NDUFS4: variants seen among roughly 807,000 people sequenced by gnomAD.
NDUFS4 encodes NADH dehydrogenase [ubiquinone] iron-sulfur protein 4, mitochondrial.
A neutral mutation model predicts 24.3 loss-of-function variants in NDUFS4; 28 were observed. The ratio of observed to expected loss-of-function variants is 1.15; its 90% CI spans 0.85 to 1.58. The LOEUF (loss-of-function observed/expected upper bound fraction) is 1.58. Among genes scored for constraint, NDUFS4 ranks in the 40% most tolerant of loss-of-function variants. NDUFS4 has a pLI of 0.00. For missense variants in NDUFS4, 223 were observed against 207.9 expected, an observed-to-expected ratio of 1.07 and a Z score of -0.45; for synonymous variants, 93 against 69.7, an observed-to-expected ratio of 1.34 and a Z score of -1.67.
At chr5:53,648,922 G>A (rs532416400) in intron 3 of NDUFS4, among the ~76,000 whole-genome samples, 20 of 152,248 alleles carry the variant, frequency 1.3e-4, no homozygotes, top group African/African-American at 4.8e-4. Flanking sequence ...GGTTGTGGTA[G>A]GTAGAATTCT....
chr5:53,658,039 G>A (rs1350075539), intron 3 of NDUFS4, among the ~76,000 whole-genome samples: 2 of 152,028 alleles, frequency 1.3e-5, no homozygotes, highest in Non-Finnish European at 2.9e-5. Context: ...TCAATTGGAT[G>A]TCAGATCTTA....
chr5:53,602,639 C>T (rs1268659166), intron 1 of NDUFS4, among the ~76,000 whole-genome samples: 1 of 151,932 alleles, frequency 6.6e-6, no homozygotes, highest in Non-Finnish European at 1.5e-5. Flanking sequence ...AAAGAAAGGA[C>T]CAAATGCCAT....
intron 3 of NDUFS4, among the ~76,000 whole-genome samples, chr5:53,655,841 T>C (rs1428276558): frequency 6.6e-6 from 1 of 152,200 alleles, no homozygotes; most frequent in African/African-American, 2.4e-5. Flanking sequence ...GGCACGGCCT[T>C]TCTGAAGTTT....
intron 2 of NDUFS4, among the ~76,000 whole-genome samples, chr5:53,640,709 A>G (rs1751684989): frequency 6.6e-6 from 1 of 151,900 alleles, no homozygotes. Flanking sequence ...TGACCCAAAA[A>G]CCTCCCGTTA....
chr5:53,629,094 G>C (rs192310185), intron 2 of NDUFS4, among the ~76,000 whole-genome samples: 4 of 152,230 alleles, frequency 2.6e-5, no homozygotes, highest in Admixed American at 2.6e-4. Context: ...GTTCTCACTG[G>C]TTTCAAAGAA....
At chr5:53,646,858 C>A (rs566495266) in intron 3 of NDUFS4, among the ~76,000 whole-genome samples, 110 of 152,166 alleles carry the variant, frequency 7.2e-4, no homozygotes, top group Admixed American at 1.2e-3. Context: ...TAATTTCTTA[C>A]TATGCCTAAT....
intron 3 of NDUFS4, among the ~76,000 whole-genome samples, chr5:53,658,319 A>G (rs988192333): frequency 3.3e-5 from 5 of 152,174 alleles, no homozygotes; most frequent in African/African-American, 1.2e-4. Flanking sequence ...AAGACTAACA[A>G]TGCCTTTGCA....
chr5:53,638,412 C>T (rs1453422288), intron 2 of NDUFS4, among the ~76,000 whole-genome samples: 1 of 152,014 alleles, frequency 6.6e-6, no homozygotes, highest in East Asian at 1.9e-4. Context: ...GCCCATAGGG[C>T]ACTGTGAAAT....
In NDUFS4 at chr5:53,640,789, A is replaced by G. The variant is rs189301209; in HGVS notation, c.178-5444A>G. On this transcript the variant is annotated intron_variant, in intron 2 of 4. Transcript: ENST00000296684. Reference sequence around the variant, plus strand: ...GGAGGAGATAGCCCTTTCCAAAGATAGGCAAAAAGAAAGAAAAGACTTTGT... The same window carrying G: ...GGAGGAGATAGCCCTTTCCAAAGATGGGCAAAAAGAAAGAAAAGACTTTGT... 2.4e-3 allele frequency among the ~76,000 whole-genome samples: 361 copies of G among 152,260 alleles called. 5 individuals carry two copies. The highest frequency in any genetic ancestry group is 8.1e-3 in the African/African-American group (336 of 41,558).
At chr5:53,677,607 C>A (rs1226841483) in intron 4 of NDUFS4, among the ~76,000 whole-genome samples, 1 of 151,920 alleles carries the variant, frequency 6.6e-6, no homozygotes, top group African/African-American at 2.4e-5. Context: ...TTTCTTTTCT[C>A]CTTCTTAAAA....
At chr5:53,572,151 A>G (rs1749228090) in intron 1 of NDUFS4, among the ~76,000 whole-genome samples, 1 of 152,204 alleles carries the variant, frequency 6.6e-6, no homozygotes, top group Non-Finnish European at 1.5e-5. Flanking sequence ...TGATAGAACA[A>G]AGGGGATTTG....
chr5:53,560,792 T>C (rs888362866), intron 1 of NDUFS4, 32 bp downstream of exon 1: 6 of 1,613,726 alleles, frequency 3.7e-6, no homozygotes, highest in Non-Finnish European at 5.1e-6. Flanking sequence ...TCTTCAAGCT[T>C]CTTGGGTCCC....
chr5:53,674,926 A>G (rs1253187250), intron 4 of NDUFS4, among the ~76,000 whole-genome samples: 2 of 152,104 alleles, frequency 1.3e-5, no homozygotes, highest in African/African-American at 4.8e-5. Context: ...AACCAAAATT[A>G]TTAGTCTTGT....
chr5:53,605,733 G>C (rs979361927), intron 2 of NDUFS4, among the ~76,000 whole-genome samples: 3 of 152,142 alleles, frequency 2.0e-5, no homozygotes, highest in African/African-American at 7.2e-5. Flanking sequence ...AAATACCTGA[G>C]GTGGGACGCA....
chr5:53,602,161 A>G (rs186827131), intron 1 of NDUFS4, among the ~76,000 whole-genome samples: 21 of 152,284 alleles, frequency 1.4e-4, no homozygotes, highest in African/African-American at 5.1e-4. Context: ...TTCTTGTAAT[A>G]TGTGGATTTG....
chr5:53,588,339 G>A (rs536461221), intron 1 of NDUFS4, among the ~76,000 whole-genome samples: 1 of 152,240 alleles, frequency 6.6e-6, no homozygotes, highest in East Asian at 1.9e-4. Flanking sequence ...TAGAGGGAAA[G>A]AAGTGAACAT....
intron 3 of NDUFS4, among the ~76,000 whole-genome samples, chr5:53,655,904 C>G (rs1752149069): frequency 6.6e-6 from 1 of 152,124 alleles, no homozygotes; most frequent in Admixed American, 6.5e-5. Flanking sequence ...CTCAGTCTCC[C>G]CTGTAACAGG....
chr5:53,642,610 GA>G (rs551520862), intron 2 of NDUFS4, among the ~76,000 whole-genome samples: 70 of 150,338 alleles, frequency 4.7e-4, no homozygotes, highest in Non-Finnish European at 7.9e-4. Context: ...CTTTGTTAAA[GA>G]AAAAAAAAGT....
At chr5:53,595,902 C>T (rs1411330795) in intron 1 of NDUFS4, among the ~76,000 whole-genome samples, 1 of 152,114 alleles carries the variant, frequency 6.6e-6, no homozygotes, top group Non-Finnish European at 1.5e-5. Flanking sequence ...CCTCTATGAG[C>T]AGGAGGTGCT....
Sources: allele counts gnomAD v4.1 joint callset (sites outside exome capture counted in the v4.1 genomes callset), GRCh38; gene constraint gnomAD v4.1.1; transcripts MANE v1.5; gene names NCBI Gene and HGNC (gene_info 2026-07-23, HGNC 2026-07-21).